The following GAS7 variants were observed in gnomAD, a reference collection of about 807,000 sequenced individuals.
The protein encoded by GAS7 is growth arrest specific 7, also known as growth arrest-specific protein 7.
Under a neutral mutation model 71.1 loss-of-function variants are expected in GAS7, and 28 were observed. The observed-to-expected ratio is 0.39, with a 90% CI of 0.29 to 0.54. The LOEUF (loss-of-function observed/expected upper bound fraction) is 0.54, where lower values mean the gene tolerates loss of function less well. Among genes scored for constraint, GAS7 ranks in the 20% least tolerant of loss-of-function variants. GAS7 has a pLI of 0.62. For missense variants in GAS7, 436 were observed against 627.8 expected (o/e 0.69, Z 3.27); for synonymous variants, 258 against 245.8 (o/e 1.05, Z -0.46).
chr17:9,999,071 C>T (rs539767928), intron 2 of GAS7, among the ~76,000 whole-genome samples: 1 of 152,188 alleles, frequency 6.6e-6, no homozygotes, highest in Non-Finnish European at 1.5e-5. Context: ...ACAACTGCTT[C>T]GAAACTTCTC....
chr17:9,947,827 TAAAAACAA>T (rs2068850492), intron 5 of GAS7, among the ~76,000 whole-genome samples: 1 of 106,324 alleles, frequency 9.4e-6, no homozygotes, highest in Admixed American at 9.8e-5. Context: ...AGGTGAAGGT[TAAAAACAA>T]AAAAAAAAAA....
At chr17:10,037,037 A>C (rs1361482787) in intron 1 of GAS7, among the ~76,000 whole-genome samples, 1 of 152,216 alleles carries the variant, frequency 6.6e-6, no homozygotes, top group African/African-American at 2.4e-5. Flanking sequence ...GGCCAGATAA[A>C]AACCAACATA....
At chr17:10,070,335 TCTC>T (rs1234404017) in intron 1 of GAS7, among the ~76,000 whole-genome samples, 384 of 138,870 alleles carry the variant, frequency 2.8e-3, no homozygotes, top group Middle Eastern at 0.015. Context: ...CTTCGTTCTC[TCTC>T]TTCTTTTTTT....
intron 1 of GAS7, among the ~76,000 whole-genome samples, chr17:10,137,142 G>C (rs972283202): frequency 7.1e-6 from 1 of 139,998 alleles, no homozygotes; most frequent in African/African-American, 2.6e-5. Flanking sequence ...GAGAGAGACC[G>C]CAAATACTCT....
intron 1 of GAS7, among the ~76,000 whole-genome samples, chr17:10,076,205 A>C (rs2073388957): frequency 3.4e-5 from 1 of 29,758 alleles, no homozygotes; most frequent in Non-Finnish European, 6.6e-5. Flanking sequence ...GAGAGGGAGA[A>C]GTGGGAGGGG....
Position 10,159,375 on chromosome 17 carries a change from C to T in GAS7, c.183+38833G>A, listed in dbSNP as rs564825483. Among the ~76,000 whole-genome samples the T allele has an allele frequency of 2.0e-5, 3 of 152,122 alleles. No homozygotes were observed. The South Asian group carries it at 6.2e-4, about 32-fold the overall frequency. ...ATGTACGAGAATGTTCAAGGTAGCA[C>T]TGTTCATAATAGTATGAAAGAACCC... On this transcript the variant is annotated intron_variant, in intron 1 of 13. Coordinates refer to ENST00000432992, the MANE Select transcript of GAS7 (RefSeq NM_201433.2).
At chr17:10,134,218 A>G (rs1332883326) in intron 1 of GAS7, among the ~76,000 whole-genome samples, 1 of 152,006 alleles carries the variant, frequency 6.6e-6, no homozygotes, top group African/African-American at 2.4e-5. Flanking sequence ...TTTTTAGTAG[A>G]GACGGGGTTT....
rs939708257 is a variant in GAS7 at position 9,919,554 on chromosome 17, C to T, written c.1218+72G>A. The T allele has an allele frequency of 9.0e-7, 1 of 1,105,658 alleles. No homozygotes were observed. Among genetic ancestry groups the T allele is most frequent in the South Asian group, 1.2e-5 (1 of 81,090 alleles). The allele number at this position is 1,105,658 out of a possible 1,614,324, so 68.5% of individuals were successfully genotyped here. A position where few individuals can be genotyped will look rare whatever the true frequency, so the allele number is the denominator to read the frequency against. On this transcript the variant is annotated intron_variant, in intron 12 of 13. Transcript: ENST00000432992. This position sits in a 1 kb window ranked among gnomAD's most constrained non-coding sequence, Gnocchi z 5.0. Reference sequence around the variant, plus strand: ...CACTCCACCCCATCATCCCCGCGCCCACCAACAACCACCAGGGGCTGCTCT... The same window carrying T: ...CACTCCACCCCATCATCCCCGCGCCTACCAACAACCACCAGGGGCTGCTCT...
intron 1 of GAS7, among the ~76,000 whole-genome samples, chr17:10,137,687 A>G (rs2074049559): frequency 6.6e-6 from 1 of 150,724 alleles, no homozygotes; most frequent in Non-Finnish European, 1.5e-5. Context: ...TTACAGGTGC[A>G]TGCCACCACA....
At position 9,926,531 on chromosome 17, in the gene GAS7, G is replaced by A; in HGVS notation, c.1014+110C>T. The A allele has an allele frequency of 8.4e-7, 1 of 1,186,940 alleles. No homozygotes were observed. The highest frequency in any genetic ancestry group is 1.3e-5 in the South Asian group (1 of 77,194). The allele number at this position is 1,186,940 out of a possible 1,614,324, so 73.5% of individuals were successfully genotyped here. ...GGACATCCCCCTATTCCCCTACCTGGGGACAAAGACTCAGCCTTGGCGTAT... is the reference window on the plus strand; with the variant it reads ...GGACATCCCCCTATTCCCCTACCTGAGGACAAAGACTCAGCCTTGGCGTAT... On this transcript the variant is annotated intron_variant, in intron 10 of 13. Transcript: ENST00000432992. The surrounding 1 kb of genome is among the most constrained non-coding windows in gnomAD (Gnocchi z 5.0).
At chr17:10,000,855 G>A (rs1352529273) in intron 2 of GAS7, among the ~76,000 whole-genome samples, 1 of 152,104 alleles carries the variant, frequency 6.6e-6, no homozygotes, top group Non-Finnish European at 1.5e-5. Flanking sequence ...TACCCAATCA[G>A]CACATACCAT....
chr17:10,069,078 G>A (rs748775686), intron 1 of GAS7, among the ~76,000 whole-genome samples: 4 of 152,132 alleles, frequency 2.6e-5, no homozygotes, highest in East Asian at 3.8e-4. Flanking sequence ...AGCACAAACC[G>A]TATTACTCAC....
chr17:10,105,594 C>T (rs2073749155), intron 1 of GAS7, among the ~76,000 whole-genome samples: 1 of 152,094 alleles, frequency 6.6e-6, no homozygotes, highest in Admixed American at 6.5e-5. Flanking sequence ...TGCTGTTCCC[C>T]TTCCCCTCCC....
chr17:9,997,436 C>T (rs2071092039), intron 2 of GAS7, among the ~76,000 whole-genome samples: 1 of 152,132 alleles, frequency 6.6e-6, no homozygotes, highest in Admixed American at 6.5e-5. Flanking sequence ...AAAATGACAA[C>T]CATTTGCTAC....
At chr17:10,090,615 T>C (rs9900790) in intron 1 of GAS7, among the ~76,000 whole-genome samples, 17,199 of 152,202 alleles carry the variant, frequency 0.11, 1,120 homozygotes, top group East Asian at 0.22. Flanking sequence ...TTTCAGAGCC[T>C]GGCAGAGAGG....
At chr17:10,183,458 T>G (rs1298700527) in intron 1 of GAS7, among the ~76,000 whole-genome samples, 2 of 152,158 alleles carry the variant, frequency 1.3e-5, no homozygotes, top group Non-Finnish European at 2.9e-5. Context: ...GAAGGTAAAC[T>G]GCACTTACAG....
intron 1 of GAS7, among the ~76,000 whole-genome samples, chr17:10,046,498 C>T (rs2072958912): frequency 6.6e-6 from 1 of 151,744 alleles, no homozygotes; most frequent in African/African-American, 2.4e-5. Flanking sequence ...CAGCACACTG[C>T]CCGCCTCGGC....
chr17:10,039,639 T>C (rs2072824749), intron 1 of GAS7: 1 of 422,358 alleles, frequency 2.4e-6, no homozygotes, highest in South Asian at 1.7e-5. Context: ...GCCAAGATCA[T>C]GCCACTGCAC....
At chr17:9,971,563 T>C (rs912436704) in intron 3 of GAS7, among the ~76,000 whole-genome samples, 4 of 151,964 alleles carry the variant, frequency 2.6e-5, no homozygotes, top group African/African-American at 9.7e-5. Context: ...TGACACCCTG[T>C]ATCAAAAAAG....
Sources: gnomAD v4.1 joint callset for allele counts (sites outside exome capture counted in the v4.1 genomes callset) on GRCh38, gnomAD v4.1.1 for gene constraint, Gnocchi (gnomAD v3.1) non-coding constraint, MANE v1.5 for transcripts, NCBI Gene and HGNC (gene_info 2026-07-23, HGNC 2026-07-21) for gene names.